The following SDK1 variants were observed in gnomAD, a reference collection of about 807,000 sequenced individuals.
SDK1 encodes sidekick cell adhesion molecule 1, also known as protein sidekick-1.
In SDK1, 157 loss-of-function variants were observed where a neutral mutation model predicts 245.5. The ratio of observed to expected loss-of-function variants is 0.64; its 90% CI spans 0.56 to 0.73. SDK1 has a LOEUF of 0.73. SDK1 is among the 30% of genes least tolerant of loss of function. The pLI, the probability that SDK1 is intolerant of heterozygous loss-of-function variation, is 0.00. For missense variants in SDK1, 3,583 were observed against 3,002.3 expected (o/e 1.19, Z -4.52); for synonymous variants, 1,647 against 1,278.5 (o/e 1.29, Z -6.15).
At chr7:4,213,183 G>A (rs529862918) in intron 38 of SDK1, among the ~76,000 whole-genome samples, 19 of 152,316 alleles carry the variant, frequency 1.2e-4, no homozygotes, top group Admixed American at 3.9e-4. Context: ...GGAGGACGAG[G>A]CAAGTGGATC....
intron 1 of SDK1, among the ~76,000 whole-genome samples, chr7:3,375,950 A>T (rs963093673): frequency 6.6e-6 from 1 of 152,238 alleles, no homozygotes; most frequent in Non-Finnish European, 1.5e-5. Flanking sequence ...GTAACTGATC[A>T]GATGGATTAT....
chr7:4,042,695 T>C (rs1001229361), intron 17 of SDK1, among the ~76,000 whole-genome samples: 4 of 152,198 alleles, frequency 2.6e-5, no homozygotes, highest in African/African-American at 7.2e-5. Flanking sequence ...TTGAAACCCC[T>C]TTTGCCTTGA....
chr7:3,472,562 A>T (rs536132250), intron 1 of SDK1, among the ~76,000 whole-genome samples: 10 of 152,234 alleles, frequency 6.6e-5, no homozygotes, highest in South Asian at 2.1e-4. Flanking sequence ...TATAACTGAT[A>T]ATAGCTGGTT....
intron 1 of SDK1, among the ~76,000 whole-genome samples, chr7:3,480,545 A>G (rs560684640): frequency 6.6e-6 from 1 of 152,368 alleles, no homozygotes; most frequent in South Asian, 2.1e-4. Context: ...GCCCATGGAC[A>G]CTTGCCTCCT....
Position 4,265,765 on chromosome 7 carries a change from C to T in SDK1, c.*381C>T, listed in dbSNP as rs1788429751. The T allele has an allele frequency of 9.7e-7, 1 of 1,029,430 alleles. No homozygotes were observed. The highest frequency in any genetic ancestry group is 9.3e-5 in the East Asian group (1 of 10,752). The allele number at this position is 1,029,430 out of a possible 1,614,324, so 63.8% of individuals were successfully genotyped here. ...GAGGGAGTGGAGGGTCAGGTGAGAT[C>T]TCAGAGCTGCCCCGGCCGGCCCCCG... On this transcript the variant is annotated 3_prime_UTR_variant, in exon 45 of 45. Coordinates refer to ENST00000404826, the MANE Select transcript of SDK1 (RefSeq NM_152744.4).
chr7:4,093,263 CA>C (rs1357337007), intron 22 of SDK1, among the ~76,000 whole-genome samples: 2 of 151,998 alleles, frequency 1.3e-5, no homozygotes, highest in African/African-American at 4.8e-5. Context: ...TATATGTTTT[CA>C]TTTGCCACTC....
intron 1 of SDK1, among the ~76,000 whole-genome samples, chr7:3,373,515 C>G (rs1583761523): frequency 6.6e-6 from 1 of 152,162 alleles, no homozygotes; most frequent in African/African-American, 2.4e-5. Context: ...TGTTTTCCAT[C>G]TTAACATAGT....
Position 3,682,463 on chromosome 7 carries a change from T to C in SDK1, c.713+40358T>C, listed in dbSNP as rs184697671. ...GTCGTCCTGGTATCTGGAACAAAGC[T>C]AATGGCAGCGTTCCCACGGAGGCGC... On this transcript the variant is annotated intron_variant, in intron 4 of 44. Coordinates refer to ENST00000404826, the MANE Select transcript of SDK1 (RefSeq NM_152744.4). 5.1e-4 allele frequency among the ~76,000 whole-genome samples: 77 copies of C among 152,398 alleles called. 1 individual carries two copies. The highest frequency in any genetic ancestry group is 1.7e-3 in the African/African-American group (70 of 41,600).
rs1347089501 is a variant in SDK1 at position 3,543,835 on chromosome 7, A to G, written c.299-75245A>G. Among the ~76,000 whole-genome samples the G allele has an allele frequency of 1.3e-5, 2 of 152,222 alleles. 1 individual carries two copies. Among genetic ancestry groups the G allele is most frequent in the African/African-American group, 4.8e-5 (2 of 41,456 alleles). On this transcript the variant is annotated intron_variant, in intron 1 of 44. Transcript: ENST00000404826. Reference sequence around the variant, plus strand: ...CTTTTCAGAGTATGTAATGAATATTAACTTCTTAGTGACTTCAGAAGACCC... The same window carrying G: ...CTTTTCAGAGTATGTAATGAATATTGACTTCTTAGTGACTTCAGAAGACCC...
At chr7:3,875,007 A>C (rs1781040220) in intron 5 of SDK1, among the ~76,000 whole-genome samples, 1 of 151,966 alleles carries the variant, frequency 6.6e-6, no homozygotes, top group African/African-American at 2.4e-5. Context: ...TAGGCTCTTA[A>C]CCCCTTTATG....
intron 1 of SDK1, among the ~76,000 whole-genome samples, chr7:3,423,268 G>C (rs940890650): frequency 6.6e-6 from 1 of 152,196 alleles, no homozygotes; most frequent in African/African-American, 2.4e-5. Context: ...CAGGAGAAAA[G>C]AGGAAAATTT....
chr7:4,003,984 G>C (rs537592796), intron 14 of SDK1, among the ~76,000 whole-genome samples: 3 of 152,232 alleles, frequency 2.0e-5, no homozygotes, highest in Admixed American at 6.5e-5. Context: ...ATGAGATGTG[G>C]AGTTTGCACA....
chr7:3,586,092 A>G (rs1316659424), intron 1 of SDK1, among the ~76,000 whole-genome samples: 1 of 152,060 alleles, frequency 6.6e-6, no homozygotes, highest in Non-Finnish European at 1.5e-5. Flanking sequence ...GGCCCAGGAG[A>G]GAAGCAGGGA....
rs1282467162 is a variant in SDK1 at position 3,987,257 on chromosome 7, C to T, written c.2066C>T (p.Ser689Phe). Residue 689 changes from serine (S) to phenylalanine (F), a missense_variant, in exon 14 of 45, where the codon TCT (serine) becomes TTT (phenylalanine). Ser to Phe is a radical substitution (Grantham distance 155, BLOSUM62 -2). Transcript: ENST00000404826. The stretch of plus-strand genomic sequence containing the variant: ...TCCCACAGCCACGCCGTGGTGCTCT[C>T]TTGGGTCCGGCCCTTTGATGGAAAC... The part of the protein sequence containing the change: ...NSSHSHAVVL[S>F]WVRPFDGNSP... The T allele has an allele frequency of 6.2e-7, 1 of 1,614,036 alleles. No homozygotes were observed. The highest frequency in any genetic ancestry group is 1.3e-5 in the African/African-American group (1 of 74,910).
At chr7:3,609,679 C>T (rs1323658841) in intron 1 of SDK1, among the ~76,000 whole-genome samples, 1 of 151,676 alleles carries the variant, frequency 6.6e-6, no homozygotes, top group South Asian at 2.1e-4. Flanking sequence ...GGATTATAGG[C>T]GTAAGCTACG....
chr7:3,605,360 A>T (rs1240164033), intron 1 of SDK1, among the ~76,000 whole-genome samples: 2 of 152,252 alleles, frequency 1.3e-5, no homozygotes, highest in Non-Finnish European at 2.9e-5. Context: ...GTTTGAAGAA[A>T]TAATGTTTCA....
chr7:3,805,563 T>C (rs1466268497), intron 4 of SDK1, among the ~76,000 whole-genome samples: 3 of 152,222 alleles, frequency 2.0e-5, no homozygotes, highest in Non-Finnish European at 4.4e-5. Flanking sequence ...TTGTGGCAAA[T>C]GGTATTTTGA....
intron 12 of SDK1, among the ~76,000 whole-genome samples, chr7:3,973,939 T>G (rs1026711188): frequency 1.3e-5 from 2 of 152,008 alleles, no homozygotes; most frequent in African/African-American, 4.8e-5. Flanking sequence ...CCCAGCAGTT[T>G]GGGAGGCCGA....
At position 3,552,247 on chromosome 7, in the gene SDK1, A is replaced by C. The variant is rs4722920; in HGVS notation, c.299-66833A>C. ...AGAGACGGGGTTTCACTGTATTAGC[A>C]AGGATGGTCTCGATCGATCTCCTGA... On this transcript the variant is annotated intron_variant, in intron 1 of 44. Transcript: ENST00000404826. 3.0e-3 allele frequency among the ~76,000 whole-genome samples: 450 copies of C among 152,160 alleles called. 8 individuals carry two copies. In the East Asian group the frequency reaches 0.04, roughly 14 times the overall value.
Sources: gnomAD v4.1 joint callset for allele counts (sites outside exome capture counted in the v4.1 genomes callset) on GRCh38, gnomAD v4.1.1 for gene constraint, MANE v1.5 for transcripts, NCBI Gene and HGNC (gene_info 2026-07-23, HGNC 2026-07-21) for gene names.